Variants in PXDNL observed in about 807,000 individuals in gnomAD.
PXDNL encodes the protein peroxidasin like, also known as probable oxidoreductase PXDNL.
In PXDNL, 145 loss-of-function variants were observed where a neutral mutation model predicts 150.8. The ratio of observed to expected loss-of-function variants is 0.96; its 90% CI spans 0.84 to 1.10. PXDNL has a LOEUF of 1.10. Among genes scored for constraint, PXDNL ranks in the 50% least tolerant of loss-of-function variants. PXDNL has a pLI of 0.00. For missense variants in PXDNL, 2,087 were observed against 1,873.9 expected (o/e 1.11, Z -2.10); for synonymous variants, 757 against 725.7 (o/e 1.04, Z -0.69).
chr8:51,660,242 T>A (rs1024645939), intron 1 of PXDNL, among the ~76,000 whole-genome samples: 1 of 152,148 alleles, frequency 6.6e-6, no homozygotes, highest in African/African-American at 2.4e-5. Flanking sequence ...CAGTCCAGTG[T>A]AAGTTGTAAG....
At chr8:51,513,361 T>C (rs923029360) in intron 4 of PXDNL, among the ~76,000 whole-genome samples, 1 of 152,180 alleles carries the variant, frequency 6.6e-6, no homozygotes, top group African/African-American at 2.4e-5. Flanking sequence ...GAAAGTTGCT[T>C]CAGGGCCACC....
chr8:51,320,610 T>C (rs1367206904), intron 22 of PXDNL, 174 bp downstream of exon 22: 2 of 573,642 alleles, frequency 3.5e-6, no homozygotes, highest in African/African-American at 3.8e-5. Context: ...ACTATACTCT[T>C]TTATTAATAA....
chr8:51,380,510 A>G lies in PXDNL; in HGVS notation c.3558-5779T>C, dbSNP rs531943882. On this transcript the variant is annotated intron_variant, in intron 17 of 22. Transcript: ENST00000356297. ...TGTAAGTCTTCTAATTATCATTACA[A>G]CACAATGCACAACTTGTTAGACTTC... Among the ~76,000 whole-genome samples the G allele has an allele frequency of 2.0e-5, 3 of 152,328 alleles. No homozygotes were observed. In the South Asian group the frequency reaches 6.2e-4, roughly 32 times the overall value.
chr8:51,384,367 AG>A (rs1807635937), intron 17 of PXDNL, among the ~76,000 whole-genome samples: 3 of 144,312 alleles, frequency 2.1e-5, no homozygotes, highest in Admixed American at 2.0e-4. Context: ...ACTGAAATAA[AG>A]GTGAATGACA....
chr8:51,461,286 C>G (rs1236921061), intron 8 of PXDNL, among the ~76,000 whole-genome samples: 1 of 152,188 alleles, frequency 6.6e-6, no homozygotes, highest in Admixed American at 6.5e-5. Context: ...GGCACAGGAG[C>G]TGGGTGTGCT....
intron 3 of PXDNL, among the ~76,000 whole-genome samples, chr8:51,577,061 CA>C (rs1441483708): frequency 6.6e-6 from 1 of 151,720 alleles, no homozygotes; most frequent in African/African-American, 2.4e-5. Context: ...GGAATTTTAT[CA>C]GACATTTAAT....
chr8:51,377,800 C>G (rs370997361), intron 17 of PXDNL, among the ~76,000 whole-genome samples: 6 of 152,218 alleles, frequency 3.9e-5, no homozygotes, highest in Admixed American at 1.3e-4. Flanking sequence ...GAGCCTCCCC[C>G]ACACCGCGGG....
intron 8 of PXDNL, 128 bp downstream of exon 8, chr8:51,472,059 G>A (rs1373351259): frequency 1.2e-5 from 7 of 589,266 alleles, no homozygotes; most frequent in East Asian, 2.8e-5. Context: ...AAGTTAAAAG[G>A]CATTTTATCT....
In PXDNL at chr8:51,634,820, T is replaced by A. The variant is rs961713766; in HGVS notation, c.236+19869A>T. ...TAGAAATGATATTGATTTCTGTACA[T>A]TGACTTTGTACTGTGAAACCTTACT... On this transcript the variant is annotated intron_variant, in intron 2 of 22. Coordinates refer to ENST00000356297, the MANE Select transcript of PXDNL (RefSeq NM_144651.5). Among the ~76,000 whole-genome samples, 7 of 152,302 alleles carry A rather than the reference T, an allele frequency of 4.6e-5. No individual in the cohort carries two copies. The South Asian group carries it at 1.0e-3, about 23-fold the overall frequency.
intron 3 of PXDNL, among the ~76,000 whole-genome samples, chr8:51,579,642 ATTTT>A (rs1479388629): frequency 6.6e-6 from 1 of 152,058 alleles, no homozygotes; most frequent in Non-Finnish European, 1.5e-5. Flanking sequence ...AGTTGTGTAA[ATTTT>A]TATTTATGTG....
intron 2 of PXDNL, among the ~76,000 whole-genome samples, chr8:51,634,727 T>G (rs183805098): frequency 6.6e-6 from 1 of 151,576 alleles, no homozygotes; most frequent in East Asian, 1.9e-4. Context: ...CATATTTTAT[T>G]TTTTTGTGGC....
chr8:51,346,023 C>T (rs571823463), intron 19 of PXDNL, 76 bp from the exon 20 acceptor site: 23 of 908,410 alleles, frequency 2.5e-5, no homozygotes, highest in East Asian at 1.5e-4. Context: ...ATTTCTTTAA[C>T]AGTCAGAGAG....
intron 19 of PXDNL, among the ~76,000 whole-genome samples, chr8:51,350,146 A>G (rs1291213869): frequency 6.6e-6 from 1 of 152,066 alleles, no homozygotes; most frequent in Non-Finnish European, 1.5e-5. Context: ...AGAGAAAGAA[A>G]AAAAGCTTCC....
chr8:51,591,723 A>C (rs1800400626), intron 3 of PXDNL, among the ~76,000 whole-genome samples: 1 of 151,496 alleles, frequency 6.6e-6, no homozygotes, highest in Non-Finnish European at 1.5e-5. Flanking sequence ...GGTTCACGCC[A>C]TTCTCCTGCC....
intron 1 of PXDNL, among the ~76,000 whole-genome samples, chr8:51,767,934 A>G (rs2037249587): frequency 6.6e-6 from 1 of 152,236 alleles, no homozygotes; most frequent in Non-Finnish European, 1.5e-5. Flanking sequence ...GAATTTTCCA[A>G]AAAGTTTCCA....
chr8:51,458,859 T>C (rs75767723), intron 8 of PXDNL, among the ~76,000 whole-genome samples: 5,208 of 152,296 alleles, frequency 0.034, 276 homozygotes, highest in African/African-American at 0.12. Flanking sequence ...GACTTTTATG[T>C]TTTAGAGCGG....
chr8:51,792,631 T>C (rs974684679), intron 1 of PXDNL, among the ~76,000 whole-genome samples: 1 of 152,094 alleles, frequency 6.6e-6, no homozygotes, highest in South Asian at 2.1e-4. Context: ...CAGTCTGCCA[T>C]TTTTCCCCCT....
At chr8:51,435,482 TAAAC>T (rs1238622175) in intron 12 of PXDNL, 1 of 71,038 alleles carries the variant, frequency 1.4e-5, no homozygotes, top group Admixed American at 2.3e-4. Context: ...ATGGCTGAAA[TAAAC>T]AAGTTAAAAT....
chr8:51,504,125 A>T (rs939560329), intron 4 of PXDNL, among the ~76,000 whole-genome samples: 2 of 152,016 alleles, frequency 1.3e-5, no homozygotes, highest in Non-Finnish European at 2.9e-5. Context: ...ATATCTCTTG[A>T]ATGTATTCCA....
Sources: allele counts gnomAD v4.1 joint callset (sites outside exome capture counted in the v4.1 genomes callset), GRCh38; gene constraint gnomAD v4.1.1; transcripts MANE v1.5; gene names NCBI Gene and HGNC (gene_info 2026-07-23, HGNC 2026-07-21).